SNX29: variants seen among roughly 807,000 people sequenced by gnomAD.
The protein encoded by SNX29 is sorting nexin 29, also known as sorting nexin-29.
SNX29 carries 78 observed loss-of-function variants against 102.1 expected under a neutral mutation model. That is an observed-to-expected ratio of 0.76 (90% CI 0.64 to 0.92). SNX29 has a LOEUF of 0.92. Among genes scored for constraint, SNX29 ranks in the 40% least tolerant of loss-of-function variants. SNX29 has a pLI of 0.00. For synonymous variants in SNX29, 580 were observed against 414.5 expected (o/e 1.40, Z -4.85); for missense variants, 1,280 against 1,061.7 (o/e 1.21, Z -2.86).
chr16:12,291,181 A>G (rs2151062690), intron 15 of SNX29, among the ~76,000 whole-genome samples: 1 of 152,206 alleles, frequency 6.6e-6, no homozygotes, highest in Middle Eastern at 3.4e-3. Context: ...GGTAGCTGTT[A>G]TTAGTCCATT....
intron 14 of SNX29, among the ~76,000 whole-genome samples, chr16:12,218,910 G>T (rs1191022529): frequency 1.3e-5 from 2 of 152,140 alleles, no homozygotes; most frequent in African/African-American, 4.8e-5. Flanking sequence ...AAGTAGCTGG[G>T]ACTAAAGGCA....
chr16:12,568,628 G>A lies in SNX29; in HGVS notation c.2441G>A (p.Ter814=), dbSNP rs2079114408. The change falls in exon 21 of 21, where the codon TGA becomes TAA. Residue 814 remains the stop codon, a stop_retained_variant. Transcript: ENST00000566228. ...GTGGAGCCCCAGAGCGGTGACCTCT[G>A]ACCTCGACAAAACCGCAGCCACGGG... ...RNVEPQSGDL[*] is the part of the protein sequence containing the mutation. 5.6e-6 allele frequency: 9 copies of A among 1,602,532 alleles called. No homozygotes were observed. The highest frequency in any genetic ancestry group is 4.4e-5 in the South Asian group (4 of 91,056).
chr16:12,166,404 G>A (rs920847253), intron 13 of SNX29, among the ~76,000 whole-genome samples: 3 of 152,192 alleles, frequency 2.0e-5, no homozygotes, highest in Admixed American at 1.3e-4. Flanking sequence ...CTGTGGTCAG[G>A]CAAGGCTGAG....
At chr16:12,240,585 CTTTTTTTTT>C (rs1180028807) in intron 14 of SNX29, among the ~76,000 whole-genome samples, 1,476 of 64,818 alleles carry the variant, frequency 0.023, 17 homozygotes, top group African/African-American at 0.08. Context: ...TTTGTCATTT[CTTTTTTTTT>C]TTTTTTTTTT....
At chr16:12,237,369 A>C (rs1350707594) in intron 14 of SNX29, among the ~76,000 whole-genome samples, 2 of 152,174 alleles carry the variant, frequency 1.3e-5, no homozygotes, top group Non-Finnish European at 2.9e-5. Flanking sequence ...TTATGCGCTT[A>C]TCTCTAAGCC....
At chr16:12,405,155 A>C (rs2084110265) in intron 18 of SNX29, among the ~76,000 whole-genome samples, 2 of 152,228 alleles carry the variant, frequency 1.3e-5, no homozygotes, top group Non-Finnish European at 2.9e-5. Context: ...TGGAAGGTGC[A>C]GCCTGGAGGA....
chr16:12,547,748 C>G (rs549545526), intron 20 of SNX29, among the ~76,000 whole-genome samples: 2 of 152,168 alleles, frequency 1.3e-5, no homozygotes, highest in African/African-American at 4.8e-5. Context: ...TAAGCCTCCT[C>G]CTGTGAAGCT....
At chr16:12,050,486 C>T (rs1209962513) in intron 7 of SNX29, among the ~76,000 whole-genome samples, 7 of 152,096 alleles carry the variant, frequency 4.6e-5, no homozygotes, top group South Asian at 2.1e-4. Context: ...TGGGCTCTTT[C>T]GGCTCACTCA....
intron 3 of SNX29, among the ~76,000 whole-genome samples, chr16:12,017,069 C>T (rs1244546139): frequency 2.0e-5 from 3 of 151,932 alleles, no homozygotes; most frequent in East Asian, 1.9e-4. Flanking sequence ...GTCGAGACTG[C>T]GGTGAGCCAT....
At position 12,129,663 on chromosome 16, in the gene SNX29, G is replaced by A. The variant is rs752634470; in HGVS notation, c.1500G>A (p.Glu500=). Residue 500 remains glutamate (E), a synonymous_variant, in exon 13 of 21, where the codon GAG becomes GAA. Coordinates refer to ENST00000566228, the MANE Select transcript of SNX29 (RefSeq NM_032167.5). ...GAAACCTGCTCGACGGTGAGATGGAGCACTCAGCCGCGCTCCGGCAAGAGG... is the reference window on the plus strand; with the variant it reads ...GAAACCTGCTCGACGGTGAGATGGAACACTCAGCCGCGCTCCGGCAAGAGG... The part of the protein sequence containing the change: ...SLRNLLDGEM[E]HSAALRQEVD... 1.6e-5 allele frequency: 25 copies of A among 1,611,168 alleles called. No individual in the cohort carries two copies. The highest frequency in any genetic ancestry group is 1.8e-5 in the Non-Finnish European group (21 of 1,179,548).
At chr16:12,097,980 G>A (rs2052841684) in intron 11 of SNX29, among the ~76,000 whole-genome samples, 1 of 152,260 alleles carries the variant, frequency 6.6e-6, no homozygotes, top group African/African-American at 2.4e-5. Context: ...GAGCACCCCA[G>A]GCTCCTGCAG....
chr16:12,472,699 T>TA (rs2087416530), intron 18 of SNX29, among the ~76,000 whole-genome samples: 3 of 152,182 alleles, frequency 2.0e-5, no homozygotes, highest in Non-Finnish European at 4.4e-5. Context: ...CCTTGAGACC[T>TA]TATCTCTACT....
intron 4 of SNX29, 78 bp downstream of exon 4, chr16:12,027,522 T>C (rs1054231221): frequency 6.4e-7 from 1 of 1,562,058 alleles, no homozygotes. Context: ...TTTTTAATAG[T>C]GGGCAGGGCA....
intron 4 of SNX29, among the ~76,000 whole-genome samples, chr16:12,042,584 C>T (rs985813153): frequency 2.0e-5 from 3 of 152,132 alleles, no homozygotes; most frequent in Admixed American, 6.5e-5. Context: ...TCCAATATTT[C>T]GTTTTCTATT....
intron 13 of SNX29, among the ~76,000 whole-genome samples, chr16:12,179,938 A>T (rs942697525): frequency 1.3e-5 from 2 of 152,178 alleles, no homozygotes; most frequent in South Asian, 2.1e-4. Flanking sequence ...TTACTAGACT[A>T]TATCTAGGTG....
intron 14 of SNX29, among the ~76,000 whole-genome samples, chr16:12,256,783 T>C (rs992871905): frequency 2.6e-5 from 4 of 152,122 alleles, no homozygotes; most frequent in African/African-American, 9.7e-5. Context: ...GGAATCACGG[T>C]GAAAGAGGCA....
chr16:12,472,599 C>T (rs889315927), intron 18 of SNX29, among the ~76,000 whole-genome samples: 1 of 149,746 alleles, frequency 6.7e-6, no homozygotes, highest in African/African-American at 2.5e-5. Context: ...CTTAGCATTG[C>T]GGGAGAGCAC....
intron 1 of SNX29, among the ~76,000 whole-genome samples, chr16:11,980,075 T>C (rs559953346): frequency 9.8e-5 from 15 of 152,338 alleles, no homozygotes; most frequent in African/African-American, 3.6e-4. Flanking sequence ...TATTTTTTGG[T>C]ATTTTCAGAG....
chr16:12,543,443 G>A (rs1396785623), intron 20 of SNX29, among the ~76,000 whole-genome samples: 2 of 152,216 alleles, frequency 1.3e-5, no homozygotes, highest in East Asian at 1.9e-4. Context: ...GCAAACATAT[G>A]TTCATGCTGC....
Sources: allele counts gnomAD v4.1 joint callset (sites outside exome capture counted in the v4.1 genomes callset), GRCh38; gene constraint gnomAD v4.1.1; transcripts MANE v1.5; gene names NCBI Gene and HGNC (gene_info 2026-07-23, HGNC 2026-07-21).